Variants in DLX3 observed in about 807,000 individuals in gnomAD.
DLX3 encodes the protein homeobox protein DLX-3.
In DLX3, 9 loss-of-function variants were observed where a neutral mutation model predicts 28.0. The observed-to-expected ratio is 0.32, with a 90% CI of 0.19 to 0.56. The LOEUF (loss-of-function observed/expected upper bound fraction) is 0.56, where lower values mean the gene tolerates loss of function less well. DLX3 is among the 20% of genes least tolerant of loss of function. The probability of loss-of-function intolerance (pLI) is 0.91; values close to 1 mark genes in which losing one functional copy is unlikely to be tolerated. For synonymous variants in DLX3, 154 were observed against 167.9 expected (o/e 0.92, Z 0.64); for missense variants, 313 against 378.2 (o/e 0.83, Z 1.43).
Position 49,994,969 on chromosome 17 carries a change from G to T in DLX3, c.30C>A (p.Ser10Arg). The T allele has an allele frequency of 1.9e-6, 3 of 1,612,798 alleles. No homozygotes were observed. Among genetic ancestry groups the T allele is most frequent in the Non-Finnish European group, 2.5e-6 (3 of 1,180,034 alleles). The change falls in exon 1 of 3, where the codon AGC (serine) becomes AGA (arginine). Residue 10 changes from serine (S) to arginine (R), a missense_variant. By Grantham distance (110) the Ser-to-Arg change is moderately radical. Around this residue, in one of 3 missense-constraint regions of DLX3, gnomAD observed 183 missense variants for 197.7 expected, o/e 0.93. Coordinates refer to ENST00000434704, the MANE Select transcript of DLX3 (RefSeq NM_005220.3). MSGSFDRKLSSILTDISSSL... is the reference protein window; with the variant it reads MSGSFDRKLRSILTDISSSL... ...AGCTGGAGATGTCGGTGAGGATGCT[G>T]CTGAGCTTGCGATCGAAGGAGCCAC... is the stretch of plus-strand genomic sequence containing the variant.
At position 49,991,688 on chromosome 17, in the gene DLX3, C is replaced by A. The variant is rs958123588; in HGVS notation, c.693G>T (p.Leu231=). Residue 231 remains leucine, a synonymous_variant, in exon 3 of 3, where the codon CTG becomes CTT. Coordinates refer to ENST00000434704, the MANE Select transcript of DLX3 (RefSeq NM_005220.3). ...HSTPAPARSQ[L]PPPLPYSASP... Reference sequence around the variant, plus strand: ...AGGCACTGTATGGGAGCGGCGGGGGCAGCTGACTGCGGGCAGGGGCCGGAG... The same window carrying A: ...AGGCACTGTATGGGAGCGGCGGGGGAAGCTGACTGCGGGCAGGGGCCGGAG... The A allele has an allele frequency of 6.2e-7, 1 of 1,607,874 alleles. No individual in the cohort carries two copies. Among genetic ancestry groups the A allele is most frequent in the Non-Finnish European group, 8.5e-7 (1 of 1,177,186 alleles).
chr17:49,993,520 C>T lies in DLX3; in HGVS notation c.396G>A (p.Pro132=), dbSNP rs1288972142. ...VNGKPKKVRK[P]RTIYSSYQLA... ...GCTGGTAGCTGGAGTAGATCGTACG[C>T]GGCTTTCGGACCTTCTTGGGCTTCC... Residue 132 remains proline (P), a synonymous_variant, in exon 2 of 3, where the codon CCG becomes CCA. Transcript: ENST00000434704. 2 of 1,613,690 alleles carry T rather than the reference C, an allele frequency of 1.2e-6. No homozygotes were observed. Among genetic ancestry groups the T allele is most frequent in the East Asian group, 2.2e-5 (1 of 44,858 alleles).
Position 49,995,021 on chromosome 17 carries a change from C to G in DLX3, c.-23G>C. 1 of 1,607,064 alleles carries G rather than the reference C, an allele frequency of 6.2e-7. No homozygotes were observed. Among genetic ancestry groups the G allele is most frequent in the Non-Finnish European group, 8.5e-7 (1 of 1,179,416 alleles). On this transcript the variant is annotated 5_prime_UTR_variant, in exon 1 of 3. Transcript: ENST00000434704. ...CATCCTGGCGGGCGCTGCACCTCCC[C>G]AGGGCTGGCCTCCGCAGAGGACAGG...
chr17:49,992,280 G>A (rs544778946), intron 2 of DLX3, among the ~76,000 whole-genome samples: 1 of 152,270 alleles, frequency 6.6e-6, no homozygotes, highest in Admixed American at 6.5e-5. Flanking sequence ...GAGATGGACG[G>A]TTTGTAGCAT....
chr17:49,994,939 A>G lies in DLX3; in HGVS notation c.60T>C (p.Leu20=). The G allele has an allele frequency of 6.2e-7, 1 of 1,613,912 alleles. No individual in the cohort carries two copies. Among genetic ancestry groups the G allele is most frequent in the African/African-American group, 1.3e-5 (1 of 75,054 alleles). The stretch of plus-strand genomic sequence containing the variant: ...AGTCCTTGGAGCCCGCATGGCAGCT[A>G]AGGGAGCTGGAGATGTCGGTGAGGA... ...SSILTDISSS[L]SCHAGSKDSP... Residue 20 remains leucine, a synonymous_variant, in exon 1 of 3, where the codon CTT becomes CTC. Coordinates refer to ENST00000434704, the MANE Select transcript of DLX3 (RefSeq NM_005220.3).
At position 49,994,901 on chromosome 17, in the gene DLX3, G is replaced by A. The variant is rs753928550; in HGVS notation, c.98C>T (p.Pro33Leu). The A allele has an allele frequency of 4.3e-6, 7 of 1,614,188 alleles. No individual in the cohort carries two copies. The Admixed American group carries it at 1.2e-4, about 27-fold the overall frequency. The part of the protein sequence containing the change: ...HAGSKDSPTL[P>L]ESSVTDLGYY... ...GCCCAGGTCAGTGACAGAAGACTCG[G>A]GCAGGGTAGGCGAGTCCTTGGAGCC... The change falls in exon 1 of 3, where the codon CCC becomes CTC. Residue 33 changes from proline to leucine, a missense_variant. This residue lies in a region of DLX3 where 183 missense variants were observed against 197.7 expected (regional missense o/e 0.93). Coordinates refer to ENST00000434704, the MANE Select transcript of DLX3 (RefSeq NM_005220.3).
rs376831875 is a variant in DLX3, at chr17:49,995,038, G to T, written c.-40C>A. On this transcript the variant is annotated 5_prime_UTR_variant, in exon 1 of 3. It adds an upstream start codon to the 5' untranslated region. Coordinates refer to ENST00000434704, the MANE Select transcript of DLX3 (RefSeq NM_005220.3). The stretch of plus-strand genomic sequence containing the variant: ...CACCTCCCCAGGGCTGGCCTCCGCA[G>T]AGGACAGGAACGGACCGGAGTGCGA... 1 of 1,601,526 alleles carries T rather than the reference G, an allele frequency of 6.2e-7. No individual in the cohort carries two copies. Among genetic ancestry groups the T allele is most frequent in the East Asian group, 2.2e-5 (1 of 44,702 alleles).
intron 2 of DLX3, 108 bp downstream of exon 2, chr17:49,993,292 G>C: frequency 1.7e-6 from 2 of 1,210,162 alleles, no homozygotes; most frequent in Non-Finnish European, 2.3e-6. Flanking sequence ...CCAAAGGCAA[G>C]AGTTCCAGGA....
chr17:49,993,538 G>T lies in DLX3; in HGVS notation c.378C>A (p.Pro126=), dbSNP rs745774797. The change falls in exon 2 of 3, where the codon CCC becomes CCA. Residue 126 remains proline (P), a synonymous_variant. Coordinates refer to ENST00000434704, the MANE Select transcript of DLX3 (RefSeq NM_005220.3). ...EAEVRMVNGK[P]KKVRKPRTIY... The stretch of plus-strand genomic sequence containing the variant: ...TCGTACGCGGCTTTCGGACCTTCTT[G>T]GGCTTCCCATTCACCATGCGCACCT... The T allele has an allele frequency of 6.2e-7, 1 of 1,613,668 alleles. No homozygotes were observed. Among genetic ancestry groups the T allele is most frequent in the East Asian group, 2.2e-5 (1 of 44,860 alleles).
Position 49,993,538 on chromosome 17 carries a change from G to A in DLX3, c.378C>T (p.Pro126=). ...TCGTACGCGGCTTTCGGACCTTCTT[G>A]GGCTTCCCATTCACCATGCGCACCT... ...EAEVRMVNGK[P]KKVRKPRTIY... Residue 126 remains proline, a synonymous_variant, in exon 2 of 3, where the codon CCC becomes CCT. Transcript: ENST00000434704. The A allele has an allele frequency of 6.2e-7, 1 of 1,613,668 alleles. No homozygotes were observed. Among genetic ancestry groups the A allele is most frequent in the South Asian group, 1.1e-5 (1 of 91,078 alleles).
Position 49,993,794 on chromosome 17 carries a change from C to T in DLX3, c.326-204G>A, listed in dbSNP as rs547393674. On this transcript the variant is annotated intron_variant, in intron 1 of 2. Transcript: ENST00000434704. Reference sequence around the variant, plus strand: ...TGGCCGCGGCCCACAACGCGGCGCTCCCAGCTCCGCGCCCGGCCGCCGCAG... The same window carrying T: ...TGGCCGCGGCCCACAACGCGGCGCTTCCAGCTCCGCGCCCGGCCGCCGCAG... 9.3e-5 allele frequency: 34 copies of T among 364,092 alleles called. No homozygotes were observed. In the East Asian group the frequency reaches 1.3e-3, roughly 14 times the overall value. 22.6% of individuals were successfully genotyped at this position (364,092 alleles called of 1,614,324 possible).
chr17:49,991,336 G>A lies in DLX3; in HGVS notation c.*181C>T, dbSNP rs1906077873. ...TAGGCAGAGGGAGGGAGGTTCAGGG[G>A]GCATCCTTGGTCCATGCAATTGTCA... On this transcript the variant is annotated 3_prime_UTR_variant, in exon 3 of 3. Transcript: ENST00000434704. 1 of 610,556 alleles carries A rather than the reference G, an allele frequency of 1.6e-6. No individual in the cohort carries two copies. Among genetic ancestry groups the A allele is most frequent in the Non-Finnish European group, 2.8e-6 (1 of 352,112 alleles). 37.8% of individuals were successfully genotyped at this position (610,556 alleles called of 1,614,324 possible).
Position 49,991,525 on chromosome 17 carries a change from C to T in DLX3, c.856G>A (p.Val286Met). 3 of 1,603,326 alleles carry T rather than the reference C, an allele frequency of 1.9e-6. No homozygotes were observed. The Middle Eastern group carries it at 5.0e-4, about 265-fold the overall frequency. ...GCAGGCCAGATGGGTGCTCAGTACA[C>T]AGCCCCAGGGTTGGGCGGGGGCCCG... Reference protein sequence around the residue: ...SPGPPPNPGAVY With the variant: ...SPGPPPNPGAMY Residue 286 changes from valine (V) to methionine (M), a missense_variant, in exon 3 of 3, where the codon GTG (valine) becomes ATG (methionine). By Grantham distance (21) the Val-to-Met change is conservative. Around this residue, in one of 3 missense-constraint regions of DLX3, gnomAD observed 120 missense variants for 145.4 expected, o/e 0.83. Transcript: ENST00000434704.
At chr17:49,992,417 A>G (rs1361630170) in intron 2 of DLX3, among the ~76,000 whole-genome samples, 1 of 152,086 alleles carries the variant, frequency 6.6e-6, no homozygotes, top group African/African-American at 2.4e-5. Context: ...CAGACAATAA[A>G]AATACACGCA....
chr17:49,994,627 G>T, intron 1 of DLX3, 47 bp downstream of exon 1: 1 of 1,606,102 alleles, frequency 6.2e-7, no homozygotes, highest in South Asian at 1.1e-5. Context: ...CCTCCCTCGG[G>T]AACCTTCCAG....
At chr17:49,993,830 G>C (rs1906187252) in intron 1 of DLX3, 1 of 237,240 alleles carries the variant, frequency 4.2e-6, no homozygotes, top group Non-Finnish European at 7.8e-6. Context: ...CACTGTCCCC[G>C]GCGCCAGCCG....
In DLX3 at chr17:49,995,058, G is replaced by T; in HGVS notation, c.-60C>A. The T allele has an allele frequency of 6.3e-7, 1 of 1,580,354 alleles. No individual in the cohort carries two copies. The highest frequency in any genetic ancestry group is 8.6e-7 in the Non-Finnish European group (1 of 1,167,022). On this transcript the variant is annotated 5_prime_UTR_variant, in exon 1 of 3. Transcript: ENST00000434704. ...CCGCAGAGGACAGGAACGGACCGGA[G>T]TGCGAGAGAGGCGGAAGAGACGAGG...
rs188986974 is a variant in DLX3, at chr17:49,990,990, C to T, written c.*527G>A. The T allele has an allele frequency of 2.6e-3, 405 of 158,788 alleles. 2 individuals are homozygous for T. Among genetic ancestry groups the T allele is most frequent in the African/African-American group, 8.4e-3 (349 of 41,622 alleles). The allele number at this position is 158,788 out of a possible 1,614,324, so 9.8% of individuals were successfully genotyped here. A position where few individuals can be genotyped will look rare whatever the true frequency, so the allele number is the denominator to read the frequency against. On this transcript the variant is annotated 3_prime_UTR_variant, in exon 3 of 3. Transcript: ENST00000434704. ...GGGCGGTGACCAGTTCAGGTCCCCA[C>T]CCGGAGTCCTCGTCATGATGTCCAC...
intron 2 of DLX3, 114 bp from the exon 3 acceptor site, chr17:49,991,978 G>T: frequency 9.3e-7 from 1 of 1,074,102 alleles, no homozygotes; most frequent in East Asian, 2.6e-5. Context: ...ATAAGAATCA[G>T]GCAAAAAACA....
Sources: gnomAD v4.1 joint callset for allele counts (sites outside exome capture counted in the v4.1 genomes callset) on GRCh38, gnomAD v4.1.1 for gene constraint, gnomAD v4.1.1 regional missense constraint, MANE v1.5 for transcripts, NCBI Gene and HGNC (gene_info 2026-07-23, HGNC 2026-07-21) for gene names.